Variants in TET2 observed in about 807,000 individuals in gnomAD.
TET2 encodes methylcytosine dioxygenase TET2.
Under a neutral mutation model 142.9 loss-of-function variants are expected in TET2, and 299 were observed. The observed-to-expected ratio is 2.09, with a 90% confidence interval of 1.90 to 2.30. The LOEUF is 2.30. Among genes scored for constraint, TET2 ranks in the 30% most tolerant of loss-of-function variants. The pLI is 0.00. For missense variants in TET2, 2,418 were observed against 2,378.0 expected (o/e 1.02, Z -0.35); for synonymous variants, 819 against 849.0 (o/e 0.96, Z 0.61).
At chr4:105,197,742 G>A (rs1052479720) in intron 2 of TET2, among the ~76,000 whole-genome samples, 1 of 152,152 alleles carries the variant, frequency 6.6e-6, no homozygotes, top group Non-Finnish European at 1.5e-5. Flanking sequence ...CATTTCAAGT[G>A]TATTTCATTT....
chr4:105,253,936 AT>A (rs1378426904), intron 6 of TET2, among the ~76,000 whole-genome samples: 1 of 152,018 alleles, frequency 6.6e-6, no homozygotes, highest in East Asian at 1.9e-4. Context: ...TTACCATATG[AT>A]TTTTCTTTAG....
intron 9 of TET2, among the ~76,000 whole-genome samples, chr4:105,272,044 A>G (rs1259215151): frequency 6.6e-6 from 1 of 152,190 alleles, no homozygotes; most frequent in Non-Finnish European, 1.5e-5. Context: ...CAGTTATCTT[A>G]TGGAAATTTC....
At position 105,183,444 on chromosome 4, in the gene TET2, CTATA is replaced by C. The variant is rs201697724; in HGVS notation, c.-192-6910_-192-6907del. On this transcript the variant is annotated intron_variant, in intron 1 of 10. Transcript: ENST00000380013. The stretch of plus-strand genomic sequence containing the variant: ...CTATTCATTTCAATAACTCTTTTTC[CTATA>C]TATATTTTTTATCTCAAATTCGATA... Among the ~76,000 whole-genome samples the C allele has an allele frequency of 2.2e-3, 329 of 151,846 alleles. 3 individuals are homozygous for C. Among genetic ancestry groups the C allele is most frequent in the African/African-American group, 7.7e-3 (319 of 41,424 alleles).
intron 2 of TET2, among the ~76,000 whole-genome samples, chr4:105,194,731 TCTA>T (rs1327755136): frequency 1.3e-5 from 2 of 152,176 alleles, no homozygotes; most frequent in African/African-American, 4.8e-5. Context: ...CTTCAATTTT[TCTA>T]CTACTTATCA....
In TET2 at chr4:105,235,483, A is replaced by G. The variant is rs768257548; in HGVS notation, c.1541A>G (p.His514Arg). 1.1e-5 allele frequency: 18 copies of G among 1,614,090 alleles called. No homozygotes were observed. Among genetic ancestry groups the G allele is most frequent in the African/African-American group, 2.7e-5 (2 of 74,940 alleles). The change falls in exon 3 of 11, where the codon CAT becomes CGT. Residue 514 changes from histidine (H) to arginine (R), a missense_variant. Transcript: ENST00000380013. ...KTRPMSEHLK[H>R]NPPIFGSSGE... Reference sequence around the variant, plus strand: ...AGACCAATGTCAGAACACCTCAAGCATAACCCACCAATTTTTGGTAGCAGT... The same window carrying G: ...AGACCAATGTCAGAACACCTCAAGCGTAACCCACCAATTTTTGGTAGCAGT...
chr4:105,256,265 C>G (rs905484853), intron 6 of TET2, among the ~76,000 whole-genome samples: 13 of 152,050 alleles, frequency 8.5e-5, no homozygotes, highest in African/African-American at 3.1e-4. Flanking sequence ...TCCTTTCAGC[C>G]TGAAGTATAC....
chr4:105,178,851 T>G (rs1428462833), intron 1 of TET2, among the ~76,000 whole-genome samples: 1 of 152,202 alleles, frequency 6.6e-6, no homozygotes, highest in Non-Finnish European at 1.5e-5. Flanking sequence ...ATGTATCAGT[T>G]CATTTTCATA....
rs1731194482 is a variant in TET2, at chr4:105,275,870, A to T, written c.5360A>T (p.Asn1787Ile). 6.4e-7 allele frequency: 1 copy of T among 1,551,876 alleles called. No individual in the cohort carries two copies. The highest frequency in any genetic ancestry group is 1.4e-5 in the African/African-American group (1 of 73,050). ...LHALHLQNKE[N>I]DMLSHTANGL... ...GCCCTGCATCTCCAAAACAAGGAGA[A>T]TGACATGCTTTCCCACACAGCTAAT... The change falls in exon 11 of 11, where the codon AAT becomes ATT. Residue 1787 changes from asparagine to isoleucine, a missense_variant. Transcript: ENST00000380013.
intron 1 of TET2, among the ~76,000 whole-genome samples, chr4:105,156,646 A>T (rs900458176): frequency 1.3e-5 from 2 of 152,070 alleles, no homozygotes; most frequent in African/African-American, 4.8e-5. Context: ...GATGATGCAT[A>T]AAAAAAAGTA....
In TET2 at chr4:105,261,829, CTGATGCATATAAT is replaced by C. The variant is rs1481244747; in HGVS notation, c.4026_4038del (p.Asp1343IlefsTer16). On this transcript the variant is annotated frameshift_variant, in exon 8 of 11. Transcript: ENST00000380013. LOFTEE classifies it high-confidence loss of function. ...GCACCAACATATAAGAAACTTGCAC[CTGATGCATATAAT>C]AATCAGGTAAGTTTAAATAATCATT... 1 of 1,546,448 alleles carries C rather than the reference CTGATGCATATAAT, an allele frequency of 6.5e-7. No individual in the cohort carries two copies. The highest frequency in any genetic ancestry group is 8.7e-7 in the Non-Finnish European group (1 of 1,143,364).
chr4:105,178,945 T>A (rs1578567662), intron 1 of TET2, among the ~76,000 whole-genome samples: 1 of 151,442 alleles, frequency 6.6e-6, no homozygotes, highest in Non-Finnish European at 1.5e-5. Flanking sequence ...GCTGGGGAGG[T>A]CTCAGGAAAC....
chr4:105,217,993 G>A (rs1472922224), intron 2 of TET2, among the ~76,000 whole-genome samples: 2 of 152,048 alleles, frequency 1.3e-5, no homozygotes, highest in Non-Finnish European at 2.9e-5. Context: ...GAGTTGACTC[G>A]AGTGAAGGAA....
At chr4:105,260,025 T>C (rs1387146738) in intron 7 of TET2, among the ~76,000 whole-genome samples, 1 of 152,162 alleles carries the variant, frequency 6.6e-6, no homozygotes, top group African/African-American at 2.4e-5. Flanking sequence ...CACTTCATTG[T>C]TAAAACTAAA....
chr4:105,275,556 G>A lies in TET2; in HGVS notation c.5046G>A (p.Arg1682=), dbSNP rs1306466443. 1 of 1,551,486 alleles carries A rather than the reference G, an allele frequency of 6.4e-7. No homozygotes were observed. The highest frequency in any genetic ancestry group is 8.7e-7 in the Non-Finnish European group (1 of 1,146,966). ...LPPIHTLYQP[R]FGNSQSFTSK... Reference sequence around the variant, plus strand: ...CCATCCATACACTTTACCAGCCAAGGTTTGGAAATAGCCAGAGTTTTACAT... The same window carrying A: ...CCATCCATACACTTTACCAGCCAAGATTTGGAAATAGCCAGAGTTTTACAT... The change falls in exon 11 of 11, where the codon AGG becomes AGA. Residue 1682 remains arginine (R), a synonymous_variant. Transcript: ENST00000380013.
intron 7 of TET2, among the ~76,000 whole-genome samples, 191 bp downstream of exon 7, chr4:105,259,960 A>T (rs1291738804): frequency 6.6e-6 from 1 of 152,172 alleles, no homozygotes; most frequent in African/African-American, 2.4e-5. Context: ...AAATTTGAGC[A>T]ACAAAAACTT....
Position 105,260,723 on chromosome 4 carries a change from T to G in TET2, c.3954+954T>G, listed in dbSNP as rs147469525. ...TTATAGTCACAGTTAATAAAGCAAG[T>G]GCAAAAACTCCTGAAATCACAGTAT... On this transcript the variant is annotated intron_variant, in intron 7 of 10. Transcript: ENST00000380013. Among the ~76,000 whole-genome samples, 1,137 of 152,272 alleles carry G rather than the reference T, an allele frequency of 7.5e-3. 22 individuals are homozygous for G. Among genetic ancestry groups the G allele is most frequent in the African/African-American group, 0.026 (1,090 of 41,564 alleles).
intron 6 of TET2, among the ~76,000 whole-genome samples, chr4:105,249,734 G>T (rs915267784): frequency 2.0e-5 from 3 of 152,050 alleles, no homozygotes; most frequent in Non-Finnish European, 4.4e-5. Context: ...GTATTTTTTT[G>T]AGAAAAGTCT....
intron 2 of TET2, among the ~76,000 whole-genome samples, chr4:105,197,638 C>T (rs982276938): frequency 2.6e-5 from 4 of 152,128 alleles, no homozygotes; most frequent in African/African-American, 9.7e-5. Context: ...CTTTAGGTTC[C>T]CTGACCAAAG....
Position 105,235,842 on chromosome 4 carries a change from T to C in TET2, c.1900T>C (p.Tyr634His). 6.2e-7 allele frequency: 1 copy of C among 1,613,948 alleles called. No homozygotes were observed. Among genetic ancestry groups the C allele is most frequent in the Non-Finnish European group, 8.5e-7 (1 of 1,179,972 alleles). The change falls in exon 3 of 11, where the codon TAC becomes CAC. Residue 634 changes from tyrosine to histidine, a missense_variant. Coordinates refer to ENST00000380013, the MANE Select transcript of TET2 (RefSeq NM_001127208.3). ...TTQLEHKSQM[Y>H]QVEMNQGQSQ... is the part of the protein sequence containing the mutation. ...ACAGCTGGAGCACAAGTCACAAATG[T>C]ACCAAGTTGAAATGAATCAAGGGCA...
Sources: allele counts gnomAD v4.1 joint callset (sites outside exome capture counted in the v4.1 genomes callset), GRCh38; gene constraint gnomAD v4.1.1; transcripts MANE v1.5; gene names NCBI Gene and HGNC (gene_info 2026-07-23, HGNC 2026-07-21).